Variants in ABCA12 observed in about 807,000 individuals in gnomAD.
ABCA12 encodes ATP binding cassette subfamily A member 12.
In ABCA12, 156 loss-of-function variants were observed where a neutral mutation model predicts 293.5. The observed-to-expected ratio is 0.53, with a 90% CI of 0.47 to 0.61. The LOEUF (loss-of-function observed/expected upper bound fraction) is 0.61, where lower values mean the gene tolerates loss of function less well. Among genes scored for constraint, ABCA12 ranks in the 20% least tolerant of loss-of-function variants. The pLI, the probability that ABCA12 is intolerant of heterozygous loss-of-function variation, is 0.00. For synonymous variants in ABCA12, 1,063 were observed against 1,108.0 expected (o/e 0.96, Z 0.81); for missense variants, 2,797 against 3,090.2 (o/e 0.91, Z 2.25).
chr2:214,998,968 C>T (rs1574972854), intron 22 of ABCA12, among the ~76,000 whole-genome samples: 1 of 152,154 alleles, frequency 6.6e-6, no homozygotes. Flanking sequence ...AAAAAATTAC[C>T]TCCAAGTACC....
chr2:215,015,695 G>A lies in ABCA12; in HGVS notation c.1783-32C>T, dbSNP rs371706213. On this transcript the variant is annotated intron_variant, in intron 14 of 52. Transcript: ENST00000272895. ...ATGGAGGAAGAAAAATATTTCAACT[G>A]TGAATCATTCGAGAGTCAACTGTTC... 5 of 1,601,248 alleles carry A rather than the reference G, an allele frequency of 3.1e-6. No homozygotes were observed. The African/African-American group carries it at 6.7e-5, about 21-fold the overall frequency.
intron 2 of ABCA12, among the ~76,000 whole-genome samples, chr2:215,103,054 C>T (rs73987797): frequency 0.04 from 6,020 of 152,198 alleles, 374 homozygotes; most frequent in African/African-American, 0.13. Flanking sequence ...CTGACTCCAA[C>T]TTCCTTGCTT....
At chr2:214,943,101 A>T (rs1021603848) in intron 49 of ABCA12, 84 bp from the exon 50 acceptor site, 1 of 1,012,022 alleles carries the variant, frequency 9.9e-7, no homozygotes, top group African/African-American at 1.6e-5. Context: ...TAATTGTTTC[A>T]TTATGGCACT....
chr2:215,007,076 C>T (rs762911130), intron 19 of ABCA12, among the ~76,000 whole-genome samples: 8 of 151,846 alleles, frequency 5.3e-5, no homozygotes, highest in Non-Finnish European at 1.2e-4. Context: ...GGTTTCTCCG[C>T]GTTGGTCAGG....
intron 16 of ABCA12, 101 bp from the exon 17 acceptor site, chr2:215,011,750 C>T: frequency 8.1e-7 from 1 of 1,232,724 alleles, no homozygotes; most frequent in South Asian, 1.2e-5. Context: ...AGTATCCTTA[C>T]AGTTTCCATA....
intron 50 of ABCA12, among the ~76,000 whole-genome samples, chr2:214,939,985 AACTTCCAAT>A (rs1400249135): frequency 2.0e-5 from 3 of 152,192 alleles, no homozygotes; most frequent in Non-Finnish European, 2.9e-5. Context: ...CTCTGGCCAG[AACTTCCAAT>A]ACTATGTTGA....
chr2:215,067,907 A>G (rs1243978001), intron 2 of ABCA12, among the ~76,000 whole-genome samples: 2 of 152,212 alleles, frequency 1.3e-5, no homozygotes, highest in African/African-American at 4.8e-5. Flanking sequence ...TTTCATTGCT[A>G]TAAGAATGAA....
chr2:215,109,087 GGGCA>G (rs1025185662), intron 2 of ABCA12, among the ~76,000 whole-genome samples: 5 of 151,542 alleles, frequency 3.3e-5, no homozygotes, highest in Non-Finnish European at 7.4e-5. Context: ...GGAGGCGGGG[GGGCA>G]AGTAACTGCT....
At chr2:215,018,504 G>C (rs904352062) in intron 13 of ABCA12, among the ~76,000 whole-genome samples, 2 of 151,796 alleles carry the variant, frequency 1.3e-5, no homozygotes, top group Non-Finnish European at 2.9e-5. Flanking sequence ...TTTTTAATCT[G>C]GGATCATGTA....
At chr2:215,016,723 G>A (rs16853143) in intron 14 of ABCA12, among the ~76,000 whole-genome samples, 4,752 of 150,004 alleles carry the variant, frequency 0.032, 235 homozygotes, top group African/African-American at 0.11. Flanking sequence ...GTCCAGAGAT[G>A]TAAAGCAAAG....
intron 7 of ABCA12, among the ~76,000 whole-genome samples, chr2:215,043,785 T>C (rs1433083651): frequency 6.6e-6 from 1 of 152,110 alleles, no homozygotes; most frequent in Non-Finnish European, 1.5e-5. Context: ...CCAATTAAGA[T>C]ACAAACATTT....
chr2:215,033,883 GT>G lies in ABCA12; in HGVS notation c.986-1988del, dbSNP rs199939393. On this transcript the variant is annotated intron_variant, in intron 8 of 52. Transcript: ENST00000272895. ...GTGAACCCGGGAGGTGGAGCTTGCA[GT>G]GAGCCGAGATCATGCCACTGCACTC... 8.8e-3 allele frequency among the ~76,000 whole-genome samples: 1,344 copies of G among 152,198 alleles called. 18 individuals are homozygous for G. Among genetic ancestry groups the G allele is most frequent in the African/African-American group, 0.031 (1,287 of 41,518 alleles).
rs1207169016 is a variant in ABCA12, at chr2:214,989,206, A to G, written c.3829+123T>C. ...TACATACATATATATATATATATAT[A>G]TATAATATTTTTATTTTTTAATTTA... On this transcript the variant is annotated intron_variant, in intron 26 of 52. Coordinates refer to ENST00000272895, the MANE Select transcript of ABCA12 (RefSeq NM_173076.3). 1.9e-5 allele frequency: 3 copies of G among 161,244 alleles called. 1 individual carries two copies. The highest frequency in any genetic ancestry group is 7.4e-5 in the Admixed American group (1 of 13,446). The allele number at this position is 161,244 out of a possible 1,614,324, so 10.0% of individuals were successfully genotyped here.
At chr2:215,057,647 C>T (rs1207576118) in intron 3 of ABCA12, among the ~76,000 whole-genome samples, 1 of 151,986 alleles carries the variant, frequency 6.6e-6, no homozygotes, top group Non-Finnish European at 1.5e-5. Flanking sequence ...CCAATTTCCC[C>T]CTTTTTAGAG....
Position 215,063,185 on chromosome 2 carries a change from G to A in ABCA12, c.317+881C>T, listed in dbSNP as rs35317912. Among the ~76,000 whole-genome samples, 1,193 of 152,002 alleles carry A rather than the reference G, an allele frequency of 7.8e-3. 4 individuals are homozygous for A. Among genetic ancestry groups the A allele is most frequent in the Middle Eastern group, 0.058 (17 of 294 alleles). On this transcript the variant is annotated intron_variant, in intron 3 of 52. Coordinates refer to ENST00000272895, the MANE Select transcript of ABCA12 (RefSeq NM_173076.3). Reference sequence around the variant, plus strand: ...TATATTTTTTGATAAACGGGTTGCAGTTGCACTCTTAAAGTATCACCTAGA... The same window carrying A: ...TATATTTTTTGATAAACGGGTTGCAATTGCACTCTTAAAGTATCACCTAGA...
intron 30 of ABCA12, 39 bp downstream of exon 30, chr2:214,982,148 T>C: frequency 1.2e-6 from 2 of 1,606,156 alleles, no homozygotes; most frequent in Non-Finnish European, 1.7e-6. Context: ...GGCAGAAGTA[T>C]GACTGTTGGG....
intron 1 of ABCA12, among the ~76,000 whole-genome samples, chr2:215,117,854 CT>C (rs1702717408): frequency 6.6e-6 from 1 of 152,194 alleles, no homozygotes; most frequent in South Asian, 2.1e-4. Flanking sequence ...AGGTAACAGA[CT>C]GGTGGTAGAA....
At chr2:215,047,363 C>T (rs1196723166) in intron 6 of ABCA12, among the ~76,000 whole-genome samples, 1 of 152,142 alleles carries the variant, frequency 6.6e-6, no homozygotes, top group Non-Finnish European at 1.5e-5. Flanking sequence ...TGAGGAATCA[C>T]ATTACCTAAC....
At chr2:215,134,351 T>TATATATGTATATATGTAC (rs1703137483) in intron 1 of ABCA12, among the ~76,000 whole-genome samples, 6 of 144,378 alleles carry the variant, frequency 4.2e-5, no homozygotes, top group Admixed American at 1.4e-4. Context: ...TGTATATGTG[T>TATATATGTATATATGTAC]ATATATGTAT....
Sources: allele counts gnomAD v4.1 joint callset (sites outside exome capture counted in the v4.1 genomes callset), GRCh38; gene constraint gnomAD v4.1.1; transcripts MANE v1.5; gene names NCBI Gene and HGNC (gene_info 2026-07-23, HGNC 2026-07-21).